Variants in DOCK1 observed in about 807,000 individuals in gnomAD.
DOCK1 encodes the protein dedicator of cytokinesis 1.
Under a neutral mutation model 262.7 loss-of-function variants are expected in DOCK1, and 138 were observed. That is an observed-to-expected ratio of 0.53 (90% CI 0.46 to 0.61). DOCK1 has a LOEUF of 0.61. Among genes scored for constraint, DOCK1 ranks in the 20% least tolerant of loss-of-function variants. The pLI is 0.00. For synonymous variants in DOCK1, 866 were observed against 867.4 expected (o/e 1.00, Z 0.03); for missense variants, 1,908 against 2,370.7 (o/e 0.80, Z 4.05).
chr10:127,053,348 A>T (rs1003914939), intron 22 of DOCK1, among the ~76,000 whole-genome samples: 16 of 152,178 alleles, frequency 1.1e-4, no homozygotes, highest in Non-Finnish European at 1.8e-4. Flanking sequence ...TCTCAAAAAC[A>T]AAATAAATAA....
chr10:127,128,742 A>G (rs2050129033), intron 27 of DOCK1, among the ~76,000 whole-genome samples: 1 of 152,126 alleles, frequency 6.6e-6, no homozygotes, highest in Admixed American at 6.5e-5. Flanking sequence ...ATGGCTGCAT[A>G]CTATTCCATG....
chr10:127,066,905 G>A (rs1174729607), intron 23 of DOCK1, among the ~76,000 whole-genome samples: 1 of 152,210 alleles, frequency 6.6e-6, no homozygotes, highest in Admixed American at 6.5e-5. Flanking sequence ...ACCCTGGTTG[G>A]CTAGTTCCAG....
intron 23 of DOCK1, among the ~76,000 whole-genome samples, chr10:127,087,761 T>C (rs965294202): frequency 6.6e-6 from 1 of 152,188 alleles, no homozygotes; most frequent in African/African-American, 2.4e-5. Flanking sequence ...AGAACCAAAA[T>C]AATTTGGTAT....
intron 30 of DOCK1, among the ~76,000 whole-genome samples, chr10:127,340,065 T>A (rs1441542752): frequency 6.6e-6 from 1 of 152,130 alleles, no homozygotes; most frequent in African/African-American, 2.4e-5. Context: ...ATTGCCCTTA[T>A]TTTTATAATT....
chr10:127,390,353 CA>C (rs967070921), intron 38 of DOCK1, among the ~76,000 whole-genome samples: 4 of 152,056 alleles, frequency 2.6e-5, no homozygotes, highest in Non-Finnish European at 4.4e-5. Context: ...AGACCAAGTA[CA>C]AAAAAACAAA....
chr10:127,195,488 A>C (rs923021209), intron 27 of DOCK1, among the ~76,000 whole-genome samples: 16 of 151,936 alleles, frequency 1.1e-4, no homozygotes, highest in Non-Finnish European at 2.1e-4. Context: ...GCCTCTCCTC[A>C]ACGGCCGGCG....
At chr10:127,003,346 T>C (rs1591606402) in intron 10 of DOCK1, among the ~76,000 whole-genome samples, 1 of 152,336 alleles carries the variant, frequency 6.6e-6, no homozygotes, top group East Asian at 1.9e-4. Flanking sequence ...TGTGTGAACC[T>C]GCATGAACCT....
At chr10:127,339,161 A>G in intron 30 of DOCK1, 77 bp downstream of exon 30, 1 of 1,279,906 alleles carries the variant, frequency 7.8e-7, no homozygotes, top group Admixed American at 2.0e-5. Context: ...AGTATCTTAC[A>G]GTATTTCTAA....
intron 31 of DOCK1, among the ~76,000 whole-genome samples, chr10:127,346,986 A>G (rs7091688): frequency 1 from 152,331 of 152,334 alleles, 76,164 homozygotes; most frequent in Middle Eastern, 1. Flanking sequence ...CTGAGATAAG[A>G]CTGCCTTGAC....
intron 23 of DOCK1, among the ~76,000 whole-genome samples, chr10:127,071,011 TTTTGA>T (rs2046198867): frequency 6.6e-6 from 1 of 152,028 alleles, no homozygotes; most frequent in Non-Finnish European, 1.5e-5. Context: ...TTCTGGACTA[TTTTGA>T]TTTGATAAGT....
chr10:127,235,554 C>G (rs2059016883), intron 27 of DOCK1, among the ~76,000 whole-genome samples: 2 of 151,940 alleles, frequency 1.3e-5, no homozygotes, highest in South Asian at 4.2e-4. Flanking sequence ...TGGAGTGTCC[C>G]CTATGTGTGG....
At chr10:127,346,881 T>A (rs1305883598) in intron 31 of DOCK1, among the ~76,000 whole-genome samples, 1 of 152,198 alleles carries the variant, frequency 6.6e-6, no homozygotes, top group African/African-American at 2.4e-5. Flanking sequence ...CAGGACAGCC[T>A]CAGGGCTTTG....
At chr10:127,301,502 G>A (rs2061677632) in intron 29 of DOCK1, among the ~76,000 whole-genome samples, 1 of 152,236 alleles carries the variant, frequency 6.6e-6, no homozygotes, top group Non-Finnish European at 1.5e-5. Context: ...GCTTCGCTTT[G>A]CTATTGTCAT....
chr10:127,169,296 T>A (rs962514348), intron 27 of DOCK1, among the ~76,000 whole-genome samples: 24 of 152,184 alleles, frequency 1.6e-4, no homozygotes, highest in Non-Finnish European at 5.9e-5. Context: ...TGTGAACCCC[T>A]CAAAGGCTGG....
chr10:127,231,042 A>C (rs2058822825), intron 27 of DOCK1, among the ~76,000 whole-genome samples: 1 of 152,008 alleles, frequency 6.6e-6, no homozygotes, highest in African/African-American at 2.4e-5. Flanking sequence ...AATTATTCCT[A>C]AGTCTTTTAT....
intron 29 of DOCK1, among the ~76,000 whole-genome samples, chr10:127,295,430 C>T (rs2061473205): frequency 1.3e-5 from 2 of 152,148 alleles, no homozygotes; most frequent in South Asian, 4.1e-4. Flanking sequence ...CCAAACACCT[C>T]CCACTATGCC....
chr10:127,203,649 T>G (rs1258518816), intron 27 of DOCK1, among the ~76,000 whole-genome samples: 3 of 156 alleles, frequency 0.019, no homozygotes, highest in African/African-American at 0.024. Context: ...GTAAACGTTT[T>G]TTTTTTTTTT....
At chr10:127,358,959 A>G (rs748942038) in intron 32 of DOCK1, among the ~76,000 whole-genome samples, 5 of 152,170 alleles carry the variant, frequency 3.3e-5, no homozygotes, top group African/African-American at 4.8e-5. Flanking sequence ...TAGATGGGCT[A>G]TGAGACCGGC....
intron 29 of DOCK1, among the ~76,000 whole-genome samples, chr10:127,295,488 A>C (rs1394341539): frequency 6.6e-6 from 1 of 152,064 alleles, no homozygotes; most frequent in Non-Finnish European, 1.5e-5. Context: ...TTTGGAGGGG[A>C]CAAAACGTCC....
Sources: allele counts gnomAD v4.1 joint callset (sites outside exome capture counted in the v4.1 genomes callset), GRCh38; gene constraint gnomAD v4.1.1; transcripts MANE v1.5; gene names NCBI Gene and HGNC (gene_info 2026-07-23, HGNC 2026-07-21).